STARD13: variants seen among roughly 807,000 people sequenced by gnomAD.
STARD13 encodes the protein stAR-related lipid transfer protein 13.
STARD13 carries 62 observed loss-of-function variants against 106.4 expected under a neutral mutation model. The observed-to-expected ratio is 0.58, with a 90% CI of 0.48 to 0.72. The LOEUF is 0.72. Among genes scored for constraint, STARD13 ranks in the 30% least tolerant of loss-of-function variants. The probability of loss-of-function intolerance (pLI) is 0.00; values close to 1 mark genes in which losing one functional copy is unlikely to be tolerated. For synonymous variants in STARD13, 565 were observed against 553.0 expected (o/e 1.02, Z -0.31); for missense variants, 1,387 against 1,424.0 (o/e 0.97, Z 0.42).
At chr13:33,558,545 GAA>G in the STARD13 span, among the ~76,000 whole-genome samples, 15 of 151,904 alleles carry the variant, frequency 9.9e-5, no homozygotes, top group Non-Finnish European at 2.2e-4. Context: ...ACGGTAGAGA[GAA>G]AGAAGGGAAA....
chr13:33,201,057 A>G (rs74796655), intron 1 of STARD13, among the ~76,000 whole-genome samples: 30,182 of 150,866 alleles, frequency 0.2, 3,098 homozygotes, highest in East Asian at 0.35. Flanking sequence ...ACAAATAAAT[A>G]AACAAATAAA....
chr13:33,600,089 G>T, the STARD13 span, among the ~76,000 whole-genome samples: 2 of 152,114 alleles, frequency 1.3e-5, no homozygotes, highest in Admixed American at 6.5e-5. Context: ...TCAATATCAC[G>T]TATGTAGTTT....
At chr13:33,387,739 T>C in the STARD13 span, among the ~76,000 whole-genome samples, 1 of 152,222 alleles carries the variant, frequency 6.6e-6, no homozygotes, top group Admixed American at 6.5e-5. Context: ...ACTTAGCACC[T>C]TCCACCTAGC....
chr13:33,165,252 G>T, intron 3 of STARD13, 85 bp downstream of exon 3: 1 of 1,033,066 alleles, frequency 9.7e-7, no homozygotes, highest in South Asian at 1.3e-5. Context: ...AATACTTGCC[G>T]AATAGCTGAG....
chr13:33,189,091 T>C (rs948929331), intron 1 of STARD13, among the ~76,000 whole-genome samples: 4 of 152,178 alleles, frequency 2.6e-5, no homozygotes, highest in Non-Finnish European at 5.9e-5. Flanking sequence ...AAATGTTTTA[T>C]TTTGTTTCTT....
the STARD13 span, among the ~76,000 whole-genome samples, chr13:33,634,368 G>C: frequency 6.6e-6 from 1 of 152,204 alleles, no homozygotes; most frequent in Non-Finnish European, 1.5e-5. Flanking sequence ...AAGCTGTTCA[G>C]TAAATGCATA....
chr13:33,524,978 T>C, the STARD13 span, among the ~76,000 whole-genome samples: 3 of 152,108 alleles, frequency 2.0e-5, no homozygotes, highest in African/African-American at 4.8e-5. Flanking sequence ...CAAAATTTTG[T>C]ATTCTTTGAT....
intron 2 of STARD13, 21 bp downstream of exon 2, chr13:33,167,530 C>T (rs1330377286): frequency 1.4e-5 from 22 of 1,613,078 alleles, no homozygotes; most frequent in South Asian, 6.6e-5. Flanking sequence ...TGTGTAAGAG[C>T]GAAGCGAAGG....
At chr13:33,360,300 G>A in the STARD13 span, among the ~76,000 whole-genome samples, 1 of 151,962 alleles carries the variant, frequency 6.6e-6, no homozygotes, top group Non-Finnish European at 1.5e-5. Context: ...CGCCTCCCAG[G>A]TTCCAGCTAT....
intron 9 of STARD13, among the ~76,000 whole-genome samples, 190 bp downstream of exon 9, chr13:33,112,531 A>G (rs552926238): frequency 6.6e-6 from 1 of 152,182 alleles, no homozygotes; most frequent in African/African-American, 2.4e-5. Context: ...GTCATCTATC[A>G]TCTATGTATC....
intron 7 of STARD13, among the ~76,000 whole-genome samples, chr13:33,124,745 A>G (rs1169877150): frequency 1.3e-5 from 2 of 152,208 alleles, no homozygotes; most frequent in Non-Finnish European, 2.9e-5. Context: ...TGCTTAAGTA[A>G]CGAGATTCAT....
chr13:33,247,445 G>A (rs1337176212), intron 1 of STARD13, among the ~76,000 whole-genome samples: 1 of 151,062 alleles, frequency 6.6e-6, no homozygotes, highest in Non-Finnish European at 1.5e-5. Flanking sequence ...TCTCTGCAAT[G>A]CCGTCGCCAG....
chr13:33,246,691 T>C (rs1889838037), intron 1 of STARD13, among the ~76,000 whole-genome samples: 1 of 152,052 alleles, frequency 6.6e-6, no homozygotes, highest in South Asian at 2.1e-4. Context: ...AATAAAAATA[T>C]TGATGACCAT....
chr13:33,670,763 C>A, the STARD13 span, among the ~76,000 whole-genome samples: 1 of 152,204 alleles, frequency 6.6e-6, no homozygotes, highest in Admixed American at 6.5e-5. Flanking sequence ...TGCTTATAAG[C>A]ACCCTCTACG....
the STARD13 span, among the ~76,000 whole-genome samples, chr13:33,394,689 T>C: frequency 2.6e-5 from 4 of 152,360 alleles, no homozygotes; most frequent in Admixed American, 2.6e-4. Context: ...AACCAGACTC[T>C]CTTGCACCAG....
At chr13:33,291,793 T>C (rs1892304936) in intron 1 of STARD13, among the ~76,000 whole-genome samples, 1 of 152,214 alleles carries the variant, frequency 6.6e-6, no homozygotes, top group Admixed American at 6.5e-5. Flanking sequence ...TTTTAGATCA[T>C]ATATAAGCAC....
chr13:33,188,008 G>A (rs550456798), intron 1 of STARD13: 2 of 152,306 alleles, frequency 1.3e-5, no homozygotes, highest in South Asian at 2.1e-4. Flanking sequence ...TTTAAATAAT[G>A]TTGTGGCAAA....
chr13:33,354,600 A>G (rs2078108739), upstream of STARD13, among the ~76,000 whole-genome samples: 1 of 152,226 alleles, frequency 6.6e-6, no homozygotes, highest in African/African-American at 2.4e-5. Flanking sequence ...AACAGCACAT[A>G]GTAGGAGTAG....
At chr13:33,594,944 C>T in the STARD13 span, among the ~76,000 whole-genome samples, 1 of 152,142 alleles carries the variant, frequency 6.6e-6, no homozygotes, top group Non-Finnish European at 1.5e-5. Flanking sequence ...TACCATTTGG[C>T]TATTGTGAAT....
Sources: allele counts gnomAD v4.1 joint callset (sites outside exome capture counted in the v4.1 genomes callset), GRCh38; gene constraint gnomAD v4.1.1; transcripts MANE v1.5; gene names NCBI Gene and HGNC (gene_info 2026-07-23, HGNC 2026-07-21).